Variants in RIMS2 observed in about 807,000 individuals in gnomAD.
The protein encoded by RIMS2 is regulating synaptic membrane exocytosis 2.
RIMS2 carries 59 observed loss-of-function variants against 174.4 expected under a neutral mutation model. The ratio of observed to expected loss-of-function variants is 0.34; its 90% CI spans 0.27 to 0.42. The LOEUF is 0.42. Ranked by LOEUF, RIMS2 falls within the 10% of genes least tolerant of loss-of-function variation. The pLI, the probability that RIMS2 is intolerant of heterozygous loss-of-function variation, is 1.00. For missense variants in RIMS2, 1,620 were observed against 1,666.3 expected, an observed-to-expected ratio of 0.97 and a Z score of 0.48; for synonymous variants, 606 against 572.5, an observed-to-expected ratio of 1.06 and a Z score of -0.84.
At chr8:103,891,055 G>A (rs1406481375) in intron 4 of RIMS2, among the ~76,000 whole-genome samples, 1 of 151,716 alleles carries the variant, frequency 6.6e-6, no homozygotes, top group Non-Finnish European at 1.5e-5. Flanking sequence ...TATCTCTTGT[G>A]GGGCAAAGTT....
chr8:104,059,989 T>A (rs371157719), intron 19 of RIMS2, among the ~76,000 whole-genome samples: 19,585 of 151,872 alleles, frequency 0.13, 1,734 homozygotes, highest in Non-Finnish European at 0.19. Context: ...TTATTGAGGA[T>A]TTTTGCATCA....
intron 19 of RIMS2, 71 bp downstream of exon 22, chr8:104,041,429 T>C: frequency 3.1e-6 from 2 of 641,666 alleles, no homozygotes; most frequent in Non-Finnish European, 5.7e-6. Context: ...TAATCATTTT[T>C]TTACTCATTT....
At chr8:103,865,025 C>T (rs570023572) in intron 3 of RIMS2, among the ~76,000 whole-genome samples, 1 of 151,962 alleles carries the variant, frequency 6.6e-6, no homozygotes, top group Non-Finnish European at 1.5e-5. Context: ...CAAATAACAG[C>T]GCTTCCCAAA....
chr8:104,109,345 C>T (rs373331086), intron 19 of RIMS2, among the ~76,000 whole-genome samples: 2 of 139,806 alleles, frequency 1.4e-5, no homozygotes, highest in East Asian at 4.2e-4. Flanking sequence ...CCCCCAAAAA[C>T]ATGCATGAGA....
chr8:103,734,258 A>G lies in RIMS2; in HGVS notation c.388-31969A>G, dbSNP rs1591326505. On this transcript the variant is annotated intron_variant, in intron 2 of 23. Transcript: ENST00000504942. Reference sequence around the variant, plus strand: ...AATCTCTTGACCTTGTGATCTACCCACCTCGGCCTCCCAAAGTGTTGGGAT... The same window carrying G: ...AATCTCTTGACCTTGTGATCTACCCGCCTCGGCCTCCCAAAGTGTTGGGAT... Among the ~76,000 whole-genome samples, 3 of 138,214 alleles carry G rather than the reference A, an allele frequency of 2.2e-5. No homozygotes were observed. The South Asian group carries it at 7.0e-4, about 32-fold the overall frequency. 90.7% of individuals were successfully genotyped at this position (138,214 alleles called of 152,430 possible).
At chr8:104,230,560 C>T (rs933966227) in intron 19 of RIMS2, among the ~76,000 whole-genome samples, 1 of 152,052 alleles carries the variant, frequency 6.6e-6, no homozygotes, top group Non-Finnish European at 1.5e-5. Context: ...GCATGAGAAT[C>T]GCTTGAACCC....
At chr8:103,650,831 G>A (rs1357371418) in intron 1 of RIMS2, among the ~76,000 whole-genome samples, 1 of 152,186 alleles carries the variant, frequency 6.6e-6, no homozygotes, top group African/African-American at 2.4e-5. Context: ...ACTCAGTCCT[G>A]ACTCAGGCAG....
intron 1 of RIMS2, among the ~76,000 whole-genome samples, chr8:103,626,896 G>C (rs988088429): frequency 6.6e-6 from 1 of 152,142 alleles, no homozygotes; most frequent in Non-Finnish European, 1.5e-5. Flanking sequence ...AAGATCCCAA[G>C]GCAAGGCAAA....
intron 19 of RIMS2, among the ~76,000 whole-genome samples, chr8:104,216,261 G>A (rs2099129198): frequency 6.6e-6 from 1 of 152,134 alleles, no homozygotes; most frequent in Non-Finnish European, 1.5e-5. Flanking sequence ...AAAGTTCCTT[G>A]TTGTAATCCC....
At chr8:103,754,501 A>G (rs1415382547) in intron 2 of RIMS2, among the ~76,000 whole-genome samples, 1 of 152,074 alleles carries the variant, frequency 6.6e-6, no homozygotes, top group Non-Finnish European at 1.5e-5. Flanking sequence ...TTTCTGTCTC[A>G]TTGATCTGTC....
At chr8:103,586,274 A>T (rs530414835) in intron 1 of RIMS2, among the ~76,000 whole-genome samples, 28 of 152,212 alleles carry the variant, frequency 1.8e-4, no homozygotes, top group Non-Finnish European at 3.4e-4. Context: ...AGAGCATTTT[A>T]TCCAATAGCT....
At chr8:103,920,397 GACA>G (rs924842962) in intron 9 of RIMS2, among the ~76,000 whole-genome samples, 14 of 151,774 alleles carry the variant, frequency 9.2e-5, no homozygotes, top group African/African-American at 2.7e-4. Flanking sequence ...AAACAACAAC[GACA>G]ACAACAACAA....
chr8:104,007,920 A>G (rs1357766426), intron 17 of RIMS2, among the ~76,000 whole-genome samples: 2 of 152,164 alleles, frequency 1.3e-5, no homozygotes, highest in Non-Finnish European at 2.9e-5. Flanking sequence ...GCAGCAGGCA[A>G]CAGTGCATAT....
intron 17 of RIMS2, among the ~76,000 whole-genome samples, chr8:104,002,367 T>C (rs2095423294): frequency 6.6e-6 from 1 of 152,154 alleles, no homozygotes; most frequent in South Asian, 2.1e-4. Context: ...GCATTGTTCT[T>C]CTTTTACCTA....
chr8:103,865,919 T>C (rs534794364), intron 3 of RIMS2, among the ~76,000 whole-genome samples: 5 of 152,170 alleles, frequency 3.3e-5, no homozygotes, highest in African/African-American at 9.7e-5. Context: ...GCAATTGGAT[T>C]TAGTATCATT....
intron 19 of RIMS2, among the ~76,000 whole-genome samples, chr8:104,150,569 T>G (rs1382647003): frequency 6.6e-6 from 1 of 152,142 alleles, no homozygotes; most frequent in African/African-American, 2.4e-5. Flanking sequence ...TCTCAGTGAC[T>G]CAAGTGGCTG....
At chr8:103,942,735 G>A (rs770968587) in intron 13 of RIMS2, 38 bp from the exon 16 acceptor site, 61 of 1,410,608 alleles carry the variant, frequency 4.3e-5, no homozygotes, top group Middle Eastern at 1.8e-4. Flanking sequence ...CTTTATTATT[G>A]GTATATTATA....
intron 19 of RIMS2, among the ~76,000 whole-genome samples, chr8:104,225,788 T>A (rs1229246933): frequency 6.6e-6 from 1 of 152,184 alleles, no homozygotes; most frequent in East Asian, 1.9e-4. Context: ...AACGGCGTTT[T>A]TAAAGTTAAC....
rs540593970 is a variant in RIMS2, at chr8:103,766,760, C to T, written c.698+223C>T. 3.9e-5 allele frequency among the ~76,000 whole-genome samples: 6 copies of T among 152,164 alleles called. No homozygotes were observed. In the South Asian group the frequency reaches 1.2e-3, roughly 32 times the overall value. On this transcript the variant is annotated intron_variant, in intron 3 of 23. Transcript: ENST00000504942. ...GAGTGTTAGGTTATCAGATAGATTT[C>T]CCAGCATAAAGAAGTGAAATAAAAC...
Sources: allele counts gnomAD v4.1 joint callset (sites outside exome capture counted in the v4.1 genomes callset), GRCh38; gene constraint gnomAD v4.1.1; transcripts MANE v1.5; gene names NCBI Gene and HGNC (gene_info 2026-07-23, HGNC 2026-07-21).